Variants in MRC1 observed in about 807,000 individuals in gnomAD.
The protein encoded by MRC1 is mannose receptor C-type 1.
In MRC1, 62 loss-of-function variants were observed where a neutral mutation model predicts 102.9. The ratio of observed to expected loss-of-function variants is 0.60; its 90% CI spans 0.49 to 0.74. The LOEUF (loss-of-function observed/expected upper bound fraction) is 0.74. Among genes scored for constraint, MRC1 ranks in the 30% least tolerant of loss-of-function variants. The pLI, the probability that MRC1 is intolerant of heterozygous loss-of-function variation, is 0.00. For missense variants in MRC1, 1,237 were observed against 862.8 expected (o/e 1.43, Z -5.43); for synonymous variants, 457 against 298.4 (o/e 1.53, Z -5.48).
At chr10:17,840,444 G>A (rs1306738875) in intron 4 of MRC1, among the ~76,000 whole-genome samples, 2 of 152,168 alleles carry the variant, frequency 1.3e-5, no homozygotes, top group Non-Finnish European at 2.9e-5. Context: ...CATTAGATCT[G>A]GGTTGGAACT....
chr10:17,864,554 C>A (rs895710317), intron 11 of MRC1, among the ~76,000 whole-genome samples: 2 of 151,906 alleles, frequency 1.3e-5, no homozygotes, highest in Non-Finnish European at 2.9e-5. Flanking sequence ...GGAGGTCGGC[C>A]GCGGTGGCTC....
intron 4 of MRC1, among the ~76,000 whole-genome samples, chr10:17,837,526 A>T (rs1838686287): frequency 6.6e-6 from 1 of 152,194 alleles, no homozygotes; most frequent in South Asian, 2.1e-4. Context: ...ATTAAAATGA[A>T]AAAACAACCT....
At chr10:17,824,597 T>C (rs1328305811) in intron 2 of MRC1, among the ~76,000 whole-genome samples, 1 of 152,074 alleles carries the variant, frequency 6.6e-6, no homozygotes, top group Non-Finnish European at 1.5e-5. Context: ...TTTTCAAACA[T>C]AATATAGGTT....
rs1833958193 is a variant in MRC1 at position 17,910,768 on chromosome 10, G to A, written c.*303G>A. ...GATGTCAGCTTCATGTGGATTTTAAGCACTCTAGAAACAATGAAGCTTCTT... is the reference window on the plus strand; with the variant it reads ...GATGTCAGCTTCATGTGGATTTTAAACACTCTAGAAACAATGAAGCTTCTT... On this transcript the variant is annotated 3_prime_UTR_variant, in exon 30 of 30. Transcript: ENST00000569591. 2.5e-6 allele frequency: 1 copy of A among 398,438 alleles called. No individual in the cohort carries two copies. Among genetic ancestry groups the A allele is most frequent in the Non-Finnish European group, 4.6e-6 (1 of 216,702 alleles). The allele number at this position is 398,438 out of a possible 1,614,324, so 24.7% of individuals were successfully genotyped here.
rs1176698872 is a variant in MRC1, at chr10:17,823,055, C to A, written c.62-19C>A. The A allele has an allele frequency of 5.1e-6, 4 of 780,592 alleles. No homozygotes were observed. In the Admixed American group the frequency reaches 6.8e-5, roughly 13 times the overall value. 48.4% of individuals were successfully genotyped at this position (780,592 alleles called of 1,614,324 possible). On this transcript the variant is annotated intron_variant, in intron 1 of 29. Coordinates refer to ENST00000569591, the MANE Select transcript of MRC1 (RefSeq NM_002438.4). ...TGCTTGCTTTCTTCTTCTTTTCCTG[C>A]TTCTTTCTTTTTAAACAGACACCAG... is the stretch of plus-strand genomic sequence containing the variant.
At chr10:17,836,766 G>A (rs1224656741) in intron 4 of MRC1, among the ~76,000 whole-genome samples, 1 of 152,054 alleles carries the variant, frequency 6.6e-6, no homozygotes. Context: ...AACCTGGGAG[G>A]TGGAGGTTGC....
intron 21 of MRC1, among the ~76,000 whole-genome samples, chr10:17,882,037 C>G (rs1833528163): frequency 6.6e-6 from 1 of 151,672 alleles, no homozygotes; most frequent in Non-Finnish European, 1.5e-5. Context: ...ATCCATAGAG[C>G]AGATGGTAAA....
intron 26 of MRC1, among the ~76,000 whole-genome samples, chr10:17,906,059 G>GTCTT (rs1833890712): frequency 6.6e-6 from 1 of 152,018 alleles, no homozygotes; most frequent in Non-Finnish European, 1.5e-5. Context: ...CATCTAACTG[G>GTCTT]TCTTTCTGTT....
At chr10:17,860,465 A>G (rs1833168353) in intron 9 of MRC1, among the ~76,000 whole-genome samples, 1 of 152,028 alleles carries the variant, frequency 6.6e-6, no homozygotes. Context: ...TTCTGTAAAG[A>G]TAGGGACTCA....
Position 17,910,330 on chromosome 10 carries a change from G to A in MRC1, c.4236G>A (p.Lys1412=). ...GCCTTGCCGCCTATTTCTTTTATAA[G>A]AAAAGACGTGTGCACCTACCTCAAG... The part of the protein sequence containing the change: ...GAGLAAYFFY[K]KRRVHLPQEG... Residue 1412 remains lysine, a synonymous_variant, in exon 30 of 30, where the codon AAG becomes AAA. Coordinates refer to ENST00000569591, the MANE Select transcript of MRC1 (RefSeq NM_002438.4). 2.6e-6 allele frequency: 2 copies of A among 780,750 alleles called. No homozygotes were observed. Among genetic ancestry groups the A allele is most frequent in the Non-Finnish European group, 4.8e-6 (2 of 417,950 alleles). 48.4% of individuals were successfully genotyped at this position (780,750 alleles called of 1,614,324 possible). A position where few individuals can be genotyped will look rare whatever the true frequency, so the allele number is the denominator to read the frequency against.
chr10:17,842,775 G>A (rs1838770744), intron 5 of MRC1, among the ~76,000 whole-genome samples: 2 of 152,112 alleles, frequency 1.3e-5, no homozygotes, highest in South Asian at 2.1e-4. Flanking sequence ...TGCATCCTAC[G>A]AGTTCAGGGA....
intron 15 of MRC1, 113 bp from the exon 16 acceptor site, chr10:17,873,671 G>T: frequency 1.3e-6 from 1 of 772,260 alleles, no homozygotes; most frequent in South Asian, 1.4e-5. Context: ...AGGGAAAAAA[G>T]AGAACAACTA....
At chr10:17,870,165 T>A in intron 12 of MRC1, 81 bp from the exon 13 acceptor site, 1 of 723,758 alleles carries the variant, frequency 1.4e-6, no homozygotes, top group Non-Finnish European at 2.5e-6. Context: ...AAATGAACTC[T>A]CATCAAAAGT....
At chr10:17,853,500 T>C (rs1833018845) in intron 8 of MRC1, among the ~76,000 whole-genome samples, 1 of 152,160 alleles carries the variant, frequency 6.6e-6, no homozygotes, top group African/African-American at 2.4e-5. Context: ...TATATGATTA[T>C]GCATGTATAT....
chr10:17,814,244 G>A (rs1238962715), intron 1 of MRC1, among the ~76,000 whole-genome samples: 1 of 152,158 alleles, frequency 6.6e-6, no homozygotes, highest in East Asian at 1.9e-4. Flanking sequence ...AGGCTAAGAA[G>A]TAGATAAATT....
At chr10:17,845,066 A>G in intron 5 of MRC1, 1 of 768,308 alleles carries the variant, frequency 1.3e-6, no homozygotes, top group South Asian at 1.4e-5. Flanking sequence ...TATTTGCTTT[A>G]TCAACATTCT....
intron 2 of MRC1, among the ~76,000 whole-genome samples, chr10:17,825,767 T>C (rs1388220714): frequency 6.6e-6 from 1 of 152,194 alleles, no homozygotes; most frequent in Non-Finnish European, 1.5e-5. Context: ...TATATGTCAT[T>C]GGCATCTGTA....
intron 26 of MRC1, among the ~76,000 whole-genome samples, chr10:17,905,285 C>G (rs1231508935): frequency 6.6e-6 from 1 of 152,206 alleles, no homozygotes; most frequent in Non-Finnish European, 1.5e-5. Flanking sequence ...AACTCACTAT[C>G]ATTACCAAGA....
intron 1 of MRC1, among the ~76,000 whole-genome samples, chr10:17,812,834 G>C (rs1482632278): frequency 2.0e-5 from 3 of 151,996 alleles, no homozygotes; most frequent in Admixed American, 6.6e-5. Context: ...GCCTCCCAAA[G>C]TGCTGACATT....
Sources: allele counts gnomAD v4.1 joint callset (sites outside exome capture counted in the v4.1 genomes callset), GRCh38; gene constraint gnomAD v4.1.1; transcripts MANE v1.5; gene names NCBI Gene and HGNC (gene_info 2026-07-23, HGNC 2026-07-21).